LRRC4C: variants seen among roughly 807,000 people sequenced by gnomAD.
LRRC4C encodes leucine rich repeat containing 4C, also known as leucine-rich repeat-containing protein 4C.
A neutral mutation model predicts 33.6 loss-of-function variants in LRRC4C; 5 were observed. The ratio of observed to expected loss-of-function variants is 0.15; its 90% CI spans 0.08 to 0.31. The LOEUF (loss-of-function observed/expected upper bound fraction) is 0.31. Ranked by LOEUF, LRRC4C falls within the 10% of genes least tolerant of loss-of-function variation. The pLI is 1.00. For synonymous variants in LRRC4C, 329 were observed against 302.0 expected (o/e 1.09, Z -0.93); for missense variants, 560 against 796.7 (o/e 0.70, Z 3.58).
At chr11:40,504,773 C>T (rs1954950360) in intron 3 of LRRC4C, among the ~76,000 whole-genome samples, 1 of 152,214 alleles carries the variant, frequency 6.6e-6, no homozygotes, top group Non-Finnish European at 1.5e-5. Context: ...TTCTCATCAA[C>T]ATTTTATGTT....
intron 3 of LRRC4C, among the ~76,000 whole-genome samples, chr11:40,621,290 C>T (rs1962431097): frequency 6.6e-6 from 1 of 151,442 alleles, no homozygotes; most frequent in South Asian, 2.1e-4. Flanking sequence ...ATTTTTAGGA[C>T]ATAAAGTCTA....
intron 5 of LRRC4C, among the ~76,000 whole-genome samples, chr11:40,163,988 T>C (rs915296844): frequency 6.6e-6 from 1 of 152,208 alleles, no homozygotes; most frequent in Non-Finnish European, 1.5e-5. Flanking sequence ...AAATAATTTT[T>C]ATATAAGACT....
At chr11:41,045,492 C>T (rs546835857) in intron 1 of LRRC4C, among the ~76,000 whole-genome samples, 2 of 152,238 alleles carry the variant, frequency 1.3e-5, no homozygotes, top group Admixed American at 1.3e-4. Context: ...AGTTGACGTT[C>T]GTGCCTTTAA....
chr11:40,264,091 C>T (rs956921305), intron 4 of LRRC4C, among the ~76,000 whole-genome samples: 3 of 152,164 alleles, frequency 2.0e-5, no homozygotes, highest in African/African-American at 7.2e-5. Context: ...TATTTAATAA[C>T]TATGTATAAA....
chr11:40,145,347 T>G (rs1857649619), intron 5 of LRRC4C, among the ~76,000 whole-genome samples: 2 of 152,150 alleles, frequency 1.3e-5, no homozygotes, highest in African/African-American at 4.8e-5. Context: ...ATAATGATTT[T>G]AGAAGTGCCC....
At chr11:40,570,518 T>C (rs897008636) in intron 3 of LRRC4C, among the ~76,000 whole-genome samples, 1 of 152,192 alleles carries the variant, frequency 6.6e-6, no homozygotes. Flanking sequence ...CCCTCCACCT[T>C]GAATAATTTT....
intron 1 of LRRC4C, among the ~76,000 whole-genome samples, chr11:41,005,673 C>G (rs355244): frequency 6.6e-6 from 1 of 151,908 alleles, no homozygotes; most frequent in African/African-American, 2.4e-5. Flanking sequence ...CTCTCTCTCT[C>G]GCAATGTGAC....
intron 3 of LRRC4C, among the ~76,000 whole-genome samples, chr11:40,586,658 G>A (rs9734175): frequency 6.7e-6 from 1 of 149,690 alleles, no homozygotes; most frequent in African/African-American, 2.5e-5. Flanking sequence ...TGTATAAGGT[G>A]TAAGGAAGGG....
chr11:40,694,751 T>A (rs1945405327), intron 2 of LRRC4C, among the ~76,000 whole-genome samples: 1 of 152,100 alleles, frequency 6.6e-6, no homozygotes, highest in Admixed American at 6.6e-5. Context: ...ACCTATACAT[T>A]GCAGCACAGA....
chr11:41,183,863 A>G (rs1945565851), intron 1 of LRRC4C, among the ~76,000 whole-genome samples: 1 of 152,118 alleles, frequency 6.6e-6, no homozygotes, highest in Admixed American at 6.5e-5. Flanking sequence ...ATTTCCATAC[A>G]TCCTCTGAAA....
intron 2 of LRRC4C, among the ~76,000 whole-genome samples, chr11:40,912,731 A>G (rs1956759208): frequency 6.6e-6 from 1 of 152,184 alleles, no homozygotes; most frequent in African/African-American, 2.4e-5. Flanking sequence ...TAAATGCTCC[A>G]ATTAAAAGAC....
chr11:41,121,066 T>A (rs183141257), intron 1 of LRRC4C, among the ~76,000 whole-genome samples: 1 of 152,318 alleles, frequency 6.6e-6, no homozygotes, highest in African/African-American at 2.4e-5. Flanking sequence ...TCTCAGGTAA[T>A]TCTTTATAGT....
At chr11:41,339,645 G>T (rs188492654) in intron 1 of LRRC4C, among the ~76,000 whole-genome samples, 10 of 152,020 alleles carry the variant, frequency 6.6e-5, no homozygotes, top group Admixed American at 6.5e-4. Flanking sequence ...TGACTCAAAC[G>T]CATTTAAAAA....
chr11:40,140,235 T>G (rs563000070), intron 6 of LRRC4C, among the ~76,000 whole-genome samples: 44 of 152,080 alleles, frequency 2.9e-4, no homozygotes, highest in African/African-American at 1.0e-3. Context: ...GAGCAAAGAG[T>G]CAGTGTTCCT....
chr11:40,995,233 ATGCAT>A (rs1336489198), intron 1 of LRRC4C, among the ~76,000 whole-genome samples: 2 of 152,084 alleles, frequency 1.3e-5, no homozygotes, highest in Non-Finnish European at 2.9e-5. Context: ...ATAAACCATG[ATGCAT>A]TGTCTGGTTT....
rs191675730 is a variant in LRRC4C at position 40,888,936 on chromosome 11, G to A, written c.-407+44699C>T. On this transcript the variant is annotated intron_variant, in intron 2 of 6. Transcript: ENST00000528697. ...GAACTAAATTAATACATTAAATATC[G>A]TTATTTAAGGCAATGAGCCATTATT... Among the ~76,000 whole-genome samples the A allele has an allele frequency of 7.2e-5, 11 of 151,756 alleles. No homozygotes were observed. In the South Asian group the frequency reaches 8.3e-4, roughly 11 times the overall value.
chr11:40,669,525 G>A (rs1943980582), intron 2 of LRRC4C, among the ~76,000 whole-genome samples: 1 of 152,122 alleles, frequency 6.6e-6, no homozygotes, highest in South Asian at 2.1e-4. Flanking sequence ...TAACCATGCT[G>A]CCTGCACTGC....
chr11:41,124,105 A>G (rs1942616284), intron 1 of LRRC4C, among the ~76,000 whole-genome samples: 1 of 152,222 alleles, frequency 6.6e-6, no homozygotes, highest in Admixed American at 6.5e-5. Flanking sequence ...AATTCAAGAT[A>G]ATTATGATGA....
chr11:40,882,821 T>A (rs950748875), intron 2 of LRRC4C, among the ~76,000 whole-genome samples: 5 of 152,160 alleles, frequency 3.3e-5, no homozygotes, highest in Admixed American at 1.3e-4. Flanking sequence ...GAGTCAGGGC[T>A]ACTGCTTTTT....
Sources: allele counts gnomAD v4.1 joint callset (sites outside exome capture counted in the v4.1 genomes callset), GRCh38; gene constraint gnomAD v4.1.1; transcripts MANE v1.5; gene names NCBI Gene and HGNC (gene_info 2026-07-23, HGNC 2026-07-21).